The following IL1RAPL1 variants were observed in gnomAD, a reference collection of about 807,000 sequenced individuals.
IL1RAPL1 encodes the protein interleukin-1 receptor accessory protein-like 1.
In IL1RAPL1, 3 loss-of-function variants were observed where a neutral mutation model predicts 48.4. The observed-to-expected ratio is 0.06, with a 90% CI of 0.03 to 0.16. The LOEUF (loss-of-function observed/expected upper bound fraction) is 0.16, where lower values mean the gene tolerates loss of function less well. Ranked by LOEUF, IL1RAPL1 falls within the 10% of genes least tolerant of loss-of-function variation. IL1RAPL1 has a pLI of 1.00. For missense variants in IL1RAPL1, 349 were observed against 530.6 expected (o/e 0.66, Z 3.36); for synonymous variants, 185 against 187.7 (o/e 0.99, Z 0.12).
chrX:29,785,396 T>C (rs1170580705), intron 6 of IL1RAPL1, among the ~76,000 whole-genome samples: 2 of 112,331 alleles, frequency 1.8e-5, no homozygotes, highest in South Asian at 3.6e-4. Flanking sequence ...AGCATTGCTG[T>C]TGGAAATGAA....
chrX:29,034,957 C>G (rs1316803863), intron 2 of IL1RAPL1, among the ~76,000 whole-genome samples: 1 of 110,063 alleles, frequency 9.1e-6, no homozygotes, highest in East Asian at 2.8e-4. Context: ...TGGGTTCACA[C>G]CATTCTCCTG....
intron 2 of IL1RAPL1, among the ~76,000 whole-genome samples, chrX:29,265,146 C>T (rs1386418597): frequency 3.6e-5 from 4 of 111,018 alleles, no homozygotes; most frequent in Non-Finnish European, 7.6e-5. Flanking sequence ...CTCCTGGCCT[C>T]AGGTGATCCG....
chrX:29,039,915 AC>A (rs1327065639), intron 2 of IL1RAPL1, among the ~76,000 whole-genome samples: 1 of 110,725 alleles, frequency 9.0e-6, no homozygotes, highest in African/African-American at 3.3e-5. Flanking sequence ...CTATATGCAA[AC>A]AACAACAACA....
chrX:29,076,598 T>G (rs1458602964), intron 2 of IL1RAPL1, among the ~76,000 whole-genome samples: 1 of 111,720 alleles, frequency 9.0e-6, no homozygotes, highest in Non-Finnish European at 1.9e-5. Flanking sequence ...GTTTTCCTGG[T>G]GGTCTTTCGA....
intron 6 of IL1RAPL1, among the ~76,000 whole-genome samples, chrX:29,888,783 T>A (rs1470662608): frequency 8.9e-6 from 1 of 112,081 alleles, no homozygotes; most frequent in African/African-American, 3.2e-5. Context: ...CAATTCATTA[T>A]GCTATAATAA....
intron 3 of IL1RAPL1, among the ~76,000 whole-genome samples, chrX:29,393,559 C>T (rs913290529): frequency 9.0e-6 from 1 of 111,363 alleles, no homozygotes; most frequent in African/African-American, 3.3e-5. Flanking sequence ...ATGAATGTCT[C>T]GTATTCCATA....
At chrX:28,803,142 G>A (rs1206099992) in intron 2 of IL1RAPL1, among the ~76,000 whole-genome samples, 1 of 111,617 alleles carries the variant, frequency 9.0e-6, no homozygotes, top group Non-Finnish European at 1.9e-5. Context: ...ATTTTGACAA[G>A]TGCATTGATA....
At chrX:28,619,657 C>T (rs1034490591) in intron 1 of IL1RAPL1, among the ~76,000 whole-genome samples, 4 of 108,868 alleles carry the variant, frequency 3.7e-5, no homozygotes, top group East Asian at 2.9e-4. Context: ...TGAGTTGTGC[C>T]GCACAAATAC....
chrX:29,499,755 G>A (rs1010283204), intron 5 of IL1RAPL1, among the ~76,000 whole-genome samples: 8 of 111,178 alleles, frequency 7.2e-5, no homozygotes, highest in African/African-American at 2.6e-4. Flanking sequence ...TAAACCAGTA[G>A]AAATTGAACT....
intron 6 of IL1RAPL1, among the ~76,000 whole-genome samples, chrX:29,672,149 A>G (rs1926158368): frequency 8.9e-6 from 1 of 111,754 alleles, no homozygotes; most frequent in South Asian, 3.7e-4. Flanking sequence ...CATTTTTGTT[A>G]TTATAAATAA....
rs375871110 is a variant in IL1RAPL1, at chrX:28,639,139, A to G, written c.-25+51092A>G. ...ACTTTAACATGTTGCCTGGCATGAAACAAGTGCTCATTATGTATTAATCTT... is the reference window on the plus strand; with the variant it reads ...ACTTTAACATGTTGCCTGGCATGAAGCAAGTGCTCATTATGTATTAATCTT... On this transcript the variant is annotated intron_variant, in intron 1 of 10. Transcript: ENST00000378993. Among the ~76,000 whole-genome samples, 18 of 112,060 alleles carry G rather than the reference A, an allele frequency of 1.6e-4. No individual in the cohort carries two copies. The South Asian group carries it at 6.7e-3, about 42-fold the overall frequency.
At chrX:28,940,613 G>A (rs1924141846) in intron 2 of IL1RAPL1, among the ~76,000 whole-genome samples, 1 of 110,795 alleles carries the variant, frequency 9.0e-6, no homozygotes, top group Non-Finnish European at 1.9e-5. Flanking sequence ...GTGTTTGGCT[G>A]AAATGTTTTA....
At chrX:29,306,651 A>G (rs1374262498) in intron 3 of IL1RAPL1, among the ~76,000 whole-genome samples, 1 of 106,957 alleles carries the variant, frequency 9.3e-6, no homozygotes, top group Admixed American at 1.0e-4. Context: ...TCACAAGGTC[A>G]GGCGTTCACG....
chrX:28,854,881 T>C (rs935726846), intron 2 of IL1RAPL1, among the ~76,000 whole-genome samples: 2 of 111,950 alleles, frequency 1.8e-5, no homozygotes, highest in African/African-American at 3.2e-5. Flanking sequence ...TGATTGTTCT[T>C]GAAAAGGGAC....
chrX:29,512,891 T>A (rs1175232842), intron 5 of IL1RAPL1, among the ~76,000 whole-genome samples: 3 of 111,862 alleles, frequency 2.7e-5, no homozygotes, highest in African/African-American at 6.5e-5. Flanking sequence ...CTCTGAATGG[T>A]TTTCATCTAT....
At chrX:29,264,452 G>A (rs1314101309) in intron 2 of IL1RAPL1, among the ~76,000 whole-genome samples, 2 of 110,768 alleles carry the variant, frequency 1.8e-5, no homozygotes, top group Non-Finnish European at 3.8e-5. Context: ...AGTGGAAGAA[G>A]GGAAATTTAC....
chrX:29,468,318 G>A (rs1350545618), intron 5 of IL1RAPL1, among the ~76,000 whole-genome samples: 4 of 112,294 alleles, frequency 3.6e-5, no homozygotes, highest in Non-Finnish European at 3.8e-5. Flanking sequence ...GGAAAGTATC[G>A]CTTACTTTTT....
chrX:29,395,062 A>G (rs1452065312), intron 3 of IL1RAPL1, among the ~76,000 whole-genome samples: 1 of 111,933 alleles, frequency 8.9e-6, no homozygotes, highest in Non-Finnish European at 1.9e-5. Context: ...GTGCATGTGT[A>G]CAGACACAAA....
intron 3 of IL1RAPL1, among the ~76,000 whole-genome samples, chrX:29,318,409 T>C (rs7890238): frequency 0.015 from 1,649 of 112,721 alleles, 27 homozygotes; most frequent in African/African-American, 0.051. Context: ...GTGAATTTGA[T>C]GACGCATTTT....
Sources: gnomAD v4.1 joint callset for allele counts (sites outside exome capture counted in the v4.1 genomes callset) on GRCh38, gnomAD v4.1.1 for gene constraint, MANE v1.5 for transcripts, NCBI Gene and HGNC (gene_info 2026-07-23, HGNC 2026-07-21) for gene names.